Variants in CDKAL1 observed in about 807,000 individuals in gnomAD.
CDKAL1 encodes CDKAL1 threonylcarbamoyladenosine tRNA methylthiotransferase.
In CDKAL1, 32 loss-of-function variants were observed where a neutral mutation model predicts 68.2. The observed-to-expected ratio is 0.47, with a 90% CI of 0.35 to 0.63. The LOEUF (loss-of-function observed/expected upper bound fraction) is 0.63. Ranked by LOEUF, CDKAL1 falls within the 30% of genes least tolerant of loss-of-function variation. The pLI, the probability that CDKAL1 is intolerant of heterozygous loss-of-function variation, is 0.00. For missense variants in CDKAL1, 606 were observed against 696.7 expected, an observed-to-expected ratio of 0.87 and a Z score of 1.47; for synonymous variants, 234 against 244.3, an observed-to-expected ratio of 0.96 and a Z score of 0.39.
At chr6:21,224,989 A>G (rs1185841355) in intron 15 of CDKAL1, among the ~76,000 whole-genome samples, 1 of 152,178 alleles carries the variant, frequency 6.6e-6, no homozygotes, top group Non-Finnish European at 1.5e-5. Flanking sequence ...GTAGTAAGTA[A>G]CAGGTAGCAA....
intron 4 of CDKAL1, among the ~76,000 whole-genome samples, chr6:20,575,561 G>A (rs1192840381): frequency 6.6e-6 from 1 of 151,858 alleles, no homozygotes; most frequent in Non-Finnish European, 1.5e-5. Flanking sequence ...TCAGAATTGA[G>A]GTTGTAATAT....
intron 8 of CDKAL1, among the ~76,000 whole-genome samples, chr6:20,833,760 G>A (rs962473257): frequency 2.6e-5 from 4 of 152,210 alleles, no homozygotes; most frequent in African/African-American, 9.6e-5. Flanking sequence ...TTAGCTCTGA[G>A]AATCTCTCTC....
intron 4 of CDKAL1, among the ~76,000 whole-genome samples, chr6:20,619,817 A>G (rs908876879): frequency 1.6e-4 from 25 of 152,214 alleles, no homozygotes; most frequent in Admixed American, 7.2e-4. Context: ...CTAGCCAGTC[A>G]TTTGATTAAA....
At position 20,834,353 on chromosome 6, in the gene CDKAL1, G is replaced by A. The variant is rs188483258; in HGVS notation, c.639-11722G>A. Among the ~76,000 whole-genome samples the A allele has an allele frequency of 3.9e-4, 60 of 152,302 alleles. 1 individual carries two copies. Among genetic ancestry groups the A allele is most frequent in the Admixed American group, 3.3e-3 (51 of 15,288 alleles). On this transcript the variant is annotated intron_variant, in intron 8 of 15. Transcript: ENST00000274695. ...ACTGTTTTGTCTTTGTTAGGCAAGA[G>A]GATGCTTAGCTGTGCTTGGGAAAGG...
intron 13 of CDKAL1, among the ~76,000 whole-genome samples, chr6:21,127,536 G>A (rs1775079076): frequency 6.6e-6 from 1 of 152,124 alleles, no homozygotes; most frequent in South Asian, 2.1e-4. Flanking sequence ...GATCATTTGA[G>A]GTCAAGAGTT....
At chr6:20,625,509 T>C (rs1160699941) in intron 4 of CDKAL1, among the ~76,000 whole-genome samples, 1 of 152,268 alleles carries the variant, frequency 6.6e-6, no homozygotes, top group East Asian at 1.9e-4. Flanking sequence ...CTTTAACTTA[T>C]GACAAATCCC....
chr6:20,735,165 C>T (rs982516344), intron 5 of CDKAL1, among the ~76,000 whole-genome samples: 2 of 152,142 alleles, frequency 1.3e-5, no homozygotes, highest in Non-Finnish European at 2.9e-5. Context: ...CCACTGCATC[C>T]GACCTTCTCT....
At chr6:21,128,460 C>T (rs1355965600) in intron 13 of CDKAL1, among the ~76,000 whole-genome samples, 5 of 152,194 alleles carry the variant, frequency 3.3e-5, no homozygotes, top group Non-Finnish European at 7.3e-5. Flanking sequence ...TTTACTACCT[C>T]ATTGGGTTGA....
At chr6:20,855,569 A>T (rs1409586705) in intron 9 of CDKAL1, among the ~76,000 whole-genome samples, 1 of 151,438 alleles carries the variant, frequency 6.6e-6, no homozygotes, top group African/African-American at 2.4e-5. Context: ...AATCTGGTCT[A>T]CTTCCAGATT....
At chr6:21,150,572 T>C (rs933790571) in intron 13 of CDKAL1, among the ~76,000 whole-genome samples, 1 of 152,222 alleles carries the variant, frequency 6.6e-6, no homozygotes, top group Admixed American at 6.5e-5. Flanking sequence ...AACTTGGCTT[T>C]TAGTGTGTGT....
rs1254467693 is a variant in CDKAL1 at position 21,000,251 on chromosome 6, C to A, written c.934C>A (p.Pro312Thr). ...LEEMAKILNH[P>T]RVYAFLHIPV... ...GGAAATGGCAAAAATCCTTAATCAC[C>A]CCAGAGTCTACGCTTTTCTGCACAT... Residue 312 changes from proline to threonine, a missense_variant, in exon 11 of 16, where the codon CCC becomes ACC. Pro to Thr is a conservative substitution (Grantham distance 38). Coordinates refer to ENST00000274695, the MANE Select transcript of CDKAL1 (RefSeq NM_017774.3). The A allele has an allele frequency of 1.2e-6, 2 of 1,613,394 alleles. No individual in the cohort carries two copies. The highest frequency in any genetic ancestry group is 2.2e-5 in the East Asian group (1 of 44,854).
rs1561931876 is a variant in CDKAL1 at position 20,568,748 on chromosome 6, A to AT, written c.286+20043_286+20044insT. Among the ~76,000 whole-genome samples the AT allele has an allele frequency of 2.5e-5, 2 of 81,512 alleles. 1 individual carries two copies. 53.5% of individuals were successfully genotyped at this position (81,512 alleles called of 152,430 possible). Reference sequence around the variant, plus strand: ...AGACTCCGCCTCAAAAAAAAAAAAAAAACAAAAAAACAAAAAAACAAAGAA... The same window carrying AT: ...AGACTCCGCCTCAAAAAAAAAAAAAATAACAAAAAAACAAAAAAACAAAGAA... On this transcript the variant is annotated intron_variant, in intron 4 of 15. Coordinates refer to ENST00000274695, the MANE Select transcript of CDKAL1 (RefSeq NM_017774.3).
rs1561783064 is a variant in CDKAL1, at chr6:20,793,761, T to TC, written c.638+12496_638+12497insC. On this transcript the variant is annotated intron_variant, in intron 8 of 15. Transcript: ENST00000274695. ...AGAATAATATAGACATTTCAGGGAT[T>TC]GTTTTTTTTTAATTTTAAATTTAAT... 3.3e-3 allele frequency among the ~76,000 whole-genome samples: 178 copies of TC among 54,178 alleles called. 1 individual carries two copies. The highest frequency in any genetic ancestry group is 4.0e-3 in the Non-Finnish European group (87 of 21,912). The allele number at this position is 54,178 out of a possible 152,430, so 35.5% of individuals were successfully genotyped here.
At chr6:20,730,322 AAAAG>A (rs775788514) in intron 5 of CDKAL1, among the ~76,000 whole-genome samples, 1 of 151,532 alleles carries the variant, frequency 6.6e-6, no homozygotes, top group African/African-American at 2.4e-5. Flanking sequence ...GAAAGAAAAG[AAAAG>A]AAAGAAAGAA....
intron 8 of CDKAL1, among the ~76,000 whole-genome samples, chr6:20,843,108 G>T (rs1032393461): frequency 2.6e-5 from 4 of 152,036 alleles, no homozygotes; most frequent in Non-Finnish European, 5.9e-5. Context: ...AAGCCAACCT[G>T]TCAGCAACAC....
At chr6:21,166,357 T>C (rs1349164423) in intron 13 of CDKAL1, among the ~76,000 whole-genome samples, 2 of 152,122 alleles carry the variant, frequency 1.3e-5, no homozygotes. Context: ...GGTGATTAGA[T>C]TTGGACTTTG....
chr6:20,640,915 G>A (rs956894374), intron 4 of CDKAL1, among the ~76,000 whole-genome samples: 1 of 152,008 alleles, frequency 6.6e-6, no homozygotes, highest in African/African-American at 2.4e-5. Flanking sequence ...AATGTGACAG[G>A]CCAAGTTTAT....
chr6:20,759,664 T>TAGTTAC (rs1774381364), intron 7 of CDKAL1, among the ~76,000 whole-genome samples: 2 of 152,256 alleles, frequency 1.3e-5, no homozygotes, highest in African/African-American at 4.8e-5. Flanking sequence ...GTATTTTTTA[T>TAGTTAC]AGTTACACTA....
At chr6:21,214,496 G>T (rs1181181416) in intron 15 of CDKAL1, among the ~76,000 whole-genome samples, 2 of 151,792 alleles carry the variant, frequency 1.3e-5, no homozygotes, top group Non-Finnish European at 2.9e-5. Context: ...AACACACGAG[G>T]TCTGCTCCCT....
Sources: allele counts gnomAD v4.1 joint callset (sites outside exome capture counted in the v4.1 genomes callset), GRCh38; gene constraint gnomAD v4.1.1; transcripts MANE v1.5; gene names NCBI Gene and HGNC (gene_info 2026-07-23, HGNC 2026-07-21).